The following MYO1H variants were observed in gnomAD, a reference collection of about 807,000 sequenced individuals.
MYO1H encodes unconventional myosin-Ih.
Under a neutral mutation model 149.3 loss-of-function variants are expected in MYO1H, and 118 were observed. The observed-to-expected ratio is 0.79, with a 90% CI of 0.68 to 0.92. MYO1H has a LOEUF of 0.92. Among genes scored for constraint, MYO1H ranks in the 40% least tolerant of loss-of-function variants. MYO1H has a pLI of 0.00. For synonymous variants in MYO1H, 447 were observed against 465.2 expected (o/e 0.96, Z 0.50); for missense variants, 1,212 against 1,280.7 (o/e 0.95, Z 0.82).
intron 2 of MYO1H, among the ~76,000 whole-genome samples, chr12:109,389,352 C>A (rs1869535163): frequency 6.6e-6 from 1 of 152,150 alleles, no homozygotes; most frequent in Non-Finnish European, 1.5e-5. Context: ...GAACCAATCC[C>A]ATGGCTAGAA....
At chr12:109,325,442 AT>A in the MYO1H span, among the ~76,000 whole-genome samples, 1 of 152,236 alleles carries the variant, frequency 6.6e-6, no homozygotes, top group Non-Finnish European at 1.5e-5. Flanking sequence ...AATTAAGATG[AT>A]TAAAGACTTA....
chr12:109,400,941 A>G (rs951172750), intron 5 of MYO1H, among the ~76,000 whole-genome samples, 152 bp from the exon 6 acceptor site: 2 of 152,176 alleles, frequency 1.3e-5, no homozygotes, highest in Non-Finnish European at 2.9e-5. Flanking sequence ...CCCAGGAAAT[A>G]CTAATGACAG....
chr12:109,444,492 G>A (rs1234145714), exon 30 of MYO1H: 6 of 1,613,888 alleles, frequency 3.7e-6, no homozygotes. Flanking sequence ...CGTCATGCTG[G>A]TTAAGAAGGA....
rs540572374 is a variant in MYO1H, at chr12:109,356,811, C to T, written c.12+8839C>T. 7.9e-5 allele frequency among the ~76,000 whole-genome samples: 12 copies of T among 152,302 alleles called. No homozygotes were observed. The South Asian group carries it at 2.3e-3, about 29-fold the overall frequency. On this transcript the variant is annotated intron_variant, in intron 1 of 31. Coordinates refer to ENST00000310903, the Ensembl canonical transcript of MYO1H. ...GAGGCTGCAGCTGGATAATAAAACA[C>T]CAACAGTCCCCTTGTTGTTAGATAA... is the stretch of plus-strand genomic sequence containing the variant.
chr12:109,318,972 G>GTTTTTTTTTTTTTTTTTTT, the MYO1H span, among the ~76,000 whole-genome samples: 25 of 77,246 alleles, frequency 3.2e-4, 2 homozygotes, highest in African/African-American at 8.5e-4. Flanking sequence ...TTTTGGTTTT[G>GTTTTTTTTTTTTTTTTTTT]TTTTTTTTTT....
intron 2 of MYO1H, among the ~76,000 whole-genome samples, chr12:109,389,639 A>G (rs1869553441): frequency 6.6e-6 from 1 of 152,148 alleles, no homozygotes; most frequent in African/African-American, 2.4e-5. Context: ...TTTTCGTTAA[A>G]TTCCCATTTA....
chr12:109,317,099 T>G, the MYO1H span, among the ~76,000 whole-genome samples: 4 of 152,278 alleles, frequency 2.6e-5, no homozygotes, highest in East Asian at 7.7e-4. Context: ...GCCTCAAAAA[T>G]TAATCTGCCC....
intron 1 of MYO1H, among the ~76,000 whole-genome samples, chr12:109,358,494 T>G (rs1010819531): frequency 6.6e-6 from 1 of 152,250 alleles, no homozygotes; most frequent in Non-Finnish European, 1.5e-5. Flanking sequence ...CTTCCCTAAC[T>G]GTAATTTTAT....
At chr12:109,394,928 A>G (rs1230790148) in intron 3 of MYO1H, among the ~76,000 whole-genome samples, 3 of 152,042 alleles carry the variant, frequency 2.0e-5, no homozygotes, top group Admixed American at 2.0e-4. Flanking sequence ...ACCCTGGCTA[A>G]TTTTTGTAAT....
intron 1 of MYO1H, among the ~76,000 whole-genome samples, chr12:109,386,732 C>A (rs7965470): frequency 0.021 from 3,180 of 152,252 alleles, 108 homozygotes; most frequent in African/African-American, 0.072. Context: ...ATTCTGGATA[C>A]AAATTCTTTG....
In MYO1H at chr12:109,407,918, G is replaced by A; in HGVS notation, c.1155+5G>A. ...AATTCCTCCTTAGTTAACAAGGTTG[G>A]TCAACGCATTTTGGATCCCTTGCTC... On this transcript the variant is annotated splice_donor_5th_base_variant and intron_variant, in intron 10 of 31. Coordinates refer to ENST00000310903, the Ensembl canonical transcript of MYO1H. 1 of 1,613,868 alleles carries A rather than the reference G, an allele frequency of 6.2e-7. No homozygotes were observed.
chr12:109,377,294 C>T (rs923542047), intron 1 of MYO1H, among the ~76,000 whole-genome samples: 2 of 152,058 alleles, frequency 1.3e-5, no homozygotes, highest in African/African-American at 4.8e-5. Context: ...GGCATCTGCA[C>T]GTGTTGAGGG....
chr12:109,389,877 T>C (rs1869568042), intron 2 of MYO1H, among the ~76,000 whole-genome samples: 1 of 152,206 alleles, frequency 6.6e-6, no homozygotes, highest in Admixed American at 6.5e-5. Flanking sequence ...AAACCAAGGA[T>C]ACCAGAAGAA....
Position 109,436,470 on chromosome 12 carries a change from CG to C in MYO1H, c.2141-17del, listed in dbSNP as rs751154556. On this transcript the variant is annotated splice_polypyrimidine_tract_variant and intron_variant, in intron 21 of 31. Coordinates refer to ENST00000310903, the Ensembl canonical transcript of MYO1H. ...CAAATGCAAAGCCATTTCACCAAAACGTCTGTTTTATTTTAAGTTGCAAGAA... is the reference window on the plus strand; with the variant it reads ...CAAATGCAAAGCCATTTCACCAAAACTCTGTTTTATTTTAAGTTGCAAGAA... 2.5e-6 allele frequency: 4 copies of C among 1,596,418 alleles called. No homozygotes were observed. In the African/African-American group the frequency reaches 5.4e-5, roughly 21 times the overall value.
intron 15 of MYO1H, among the ~76,000 whole-genome samples, 191 bp downstream of exon 15, chr12:109,415,811 A>G (rs148598938): frequency 1.2e-4 from 19 of 152,308 alleles, no homozygotes; most frequent in African/African-American, 3.9e-4. Context: ...ATTGAGATGC[A>G]ATTCACATAT....
chr12:109,393,285 T>G, intron 2 of MYO1H, 46 bp from the exon 3 acceptor site: 1 of 1,205,654 alleles, frequency 8.3e-7, no homozygotes, highest in Non-Finnish European at 1.2e-6. Context: ...GTGACAGTCT[T>G]TTGCACCCCA....
chr12:109,325,338 A>G, the MYO1H span, among the ~76,000 whole-genome samples: 1 of 152,324 alleles, frequency 6.6e-6, no homozygotes, highest in Admixed American at 6.5e-5. Flanking sequence ...CGATGGGGAA[A>G]GGATTCCCTA....
upstream of MYO1H, among the ~76,000 whole-genome samples, chr12:109,347,436 C>T (rs36088677): frequency 0.016 from 2,400 of 152,164 alleles, 29 homozygotes; most frequent in Middle Eastern, 0.034. Context: ...TCCTGAGTCT[C>T]CGTATTATGA....
At chr12:109,409,293 G>A (rs1328275098) in intron 10 of MYO1H, among the ~76,000 whole-genome samples, 1 of 92,438 alleles carries the variant, frequency 1.1e-5, no homozygotes, top group Admixed American at 1.4e-4. Flanking sequence ...ATGGGCTTGG[G>A]AGGCTGAGGA....
Sources: allele counts gnomAD v4.1 joint callset (sites outside exome capture counted in the v4.1 genomes callset), GRCh38; gene constraint gnomAD v4.1.1; transcripts MANE v1.5; gene names NCBI Gene and HGNC (gene_info 2026-07-23, HGNC 2026-07-21).